SGCZ: variants seen among roughly 807,000 people sequenced by gnomAD.
The protein encoded by SGCZ is sarcoglycan zeta, also known as zeta-sarcoglycan.
In SGCZ, 40 loss-of-function variants were observed where a neutral mutation model predicts 41.3. That is an observed-to-expected ratio of 0.97 (90% CI 0.75 to 1.26). The LOEUF (loss-of-function observed/expected upper bound fraction) is 1.26. SGCZ is among the 50% of genes most tolerant of loss of function. The pLI, the probability that SGCZ is intolerant of heterozygous loss-of-function variation, is 0.00. For synonymous variants in SGCZ, 206 were observed against 137.5 expected (o/e 1.50, Z -3.49); for missense variants, 552 against 369.8 (o/e 1.49, Z -4.04).
At chr8:14,425,372 G>C (rs1799750854) in intron 2 of SGCZ, among the ~76,000 whole-genome samples, 1 of 152,126 alleles carries the variant, frequency 6.6e-6, no homozygotes, top group Non-Finnish European at 1.5e-5. Flanking sequence ...TGTAATCCTA[G>C]CACTTTGGGA....
chr8:14,245,258 T>C (rs529062208), intron 3 of SGCZ, among the ~76,000 whole-genome samples: 1 of 152,104 alleles, frequency 6.6e-6, no homozygotes, highest in Non-Finnish European at 1.5e-5. Flanking sequence ...TATAGATCAA[T>C]GGAACAGAAC....
intron 2 of SGCZ, among the ~76,000 whole-genome samples, chr8:14,375,727 A>G (rs1428952097): frequency 6.6e-6 from 1 of 152,204 alleles, no homozygotes; most frequent in African/African-American, 2.4e-5. Flanking sequence ...GCACTGAGCA[A>G]AATAAAGTTT....
intron 2 of SGCZ, among the ~76,000 whole-genome samples, chr8:14,377,966 T>G (rs1804198799): frequency 2.0e-5 from 3 of 150,206 alleles, no homozygotes; most frequent in Non-Finnish European, 2.9e-5. Flanking sequence ...TCTTTGCTAT[T>G]GTGAATAGTG....
intron 2 of SGCZ, among the ~76,000 whole-genome samples, chr8:14,470,906 T>C (rs1801196321): frequency 6.6e-6 from 1 of 152,114 alleles, no homozygotes; most frequent in Admixed American, 6.6e-5. Flanking sequence ...GTGTTAACAA[T>C]TTTACTTGCT....
chr8:14,944,268 A>G (rs1228785439), intron 1 of SGCZ, among the ~76,000 whole-genome samples: 2 of 152,174 alleles, frequency 1.3e-5, no homozygotes, highest in Non-Finnish European at 2.9e-5. Flanking sequence ...TTTAAAACCC[A>G]GTTGTCAACG....
chr8:14,159,635 T>C (rs1375183055), intron 5 of SGCZ, among the ~76,000 whole-genome samples: 1 of 152,116 alleles, frequency 6.6e-6, no homozygotes, highest in Non-Finnish European at 1.5e-5. Context: ...GCAGAGAAAA[T>C]GAAGTGATTG....
In SGCZ at chr8:14,093,482, C is replaced by T. The variant is rs147823079; in HGVS notation, c.745-2845G>A. The stretch of plus-strand genomic sequence containing the variant: ...ATTTCCTGTAATTCTTCCTCTTGCT[C>T]CAGTTCTTGCATTTTCTCAAAAATA... On this transcript the variant is annotated intron_variant, in intron 7 of 7. Transcript: ENST00000382080. 2.0e-5 allele frequency among the ~76,000 whole-genome samples: 3 copies of T among 152,210 alleles called. No individual in the cohort carries two copies. The East Asian group carries it at 5.8e-4, about 29-fold the overall frequency.
At chr8:15,072,081 T>G (rs1025911164) in intron 1 of SGCZ, among the ~76,000 whole-genome samples, 3 of 152,118 alleles carry the variant, frequency 2.0e-5, no homozygotes, top group Non-Finnish European at 2.9e-5. Context: ...TCAAAGTCTG[T>G]TCCTCCTTCC....
chr8:14,247,526 A>G (rs1799144793), intron 3 of SGCZ, among the ~76,000 whole-genome samples: 1 of 152,224 alleles, frequency 6.6e-6, no homozygotes, highest in South Asian at 2.1e-4. Context: ...TAGACTCATT[A>G]TCCTAAAAGG....
intron 2 of SGCZ, among the ~76,000 whole-genome samples, chr8:14,477,850 T>C (rs1801405732): frequency 6.6e-6 from 1 of 152,230 alleles, no homozygotes; most frequent in Non-Finnish European, 1.5e-5. Flanking sequence ...ACCAACTTAA[T>C]ATCACTCCTT....
chr8:14,189,697 T>G (rs1250683751), intron 4 of SGCZ, among the ~76,000 whole-genome samples: 1 of 152,228 alleles, frequency 6.6e-6, no homozygotes, highest in Non-Finnish European at 1.5e-5. Flanking sequence ...TGGCCTTACC[T>G]GACCATGATA....
At chr8:15,080,539 A>T (rs1805703282) in intron 1 of SGCZ, among the ~76,000 whole-genome samples, 1 of 152,078 alleles carries the variant, frequency 6.6e-6, no homozygotes, top group African/African-American at 2.4e-5. Context: ...GCCTTTAAAG[A>T]GGTAATTAAA....
chr8:14,828,795 A>G (rs1326257243), intron 1 of SGCZ, among the ~76,000 whole-genome samples: 2 of 152,170 alleles, frequency 1.3e-5, no homozygotes, highest in Non-Finnish European at 2.9e-5. Context: ...GCTTTAGCAG[A>G]AAAATGCCCA....
At chr8:15,014,787 G>C (rs1802962355) in intron 1 of SGCZ, among the ~76,000 whole-genome samples, 1 of 152,194 alleles carries the variant, frequency 6.6e-6, no homozygotes, top group Admixed American at 6.5e-5. Context: ...TGTGAGCATT[G>C]TGACAGCCTC....
chr8:14,576,445 T>C (rs1486602021), intron 1 of SGCZ, among the ~76,000 whole-genome samples: 1 of 152,170 alleles, frequency 6.6e-6, no homozygotes, highest in Admixed American at 6.5e-5. Flanking sequence ...TGAAGTAATA[T>C]GTAGTAGTGG....
chr8:15,165,360 G>C (rs187611332), intron 1 of SGCZ, among the ~76,000 whole-genome samples: 3 of 151,948 alleles, frequency 2.0e-5, no homozygotes, highest in African/African-American at 7.3e-5. Flanking sequence ...TTCAGTTCAC[G>C]TGACTTTAAC....
chr8:14,597,172 T>G (rs1049515795), intron 1 of SGCZ, among the ~76,000 whole-genome samples: 1 of 152,166 alleles, frequency 6.6e-6, no homozygotes, highest in Non-Finnish European at 1.5e-5. Context: ...AAAGCTGCAA[T>G]TGCCTTCTCC....
At chr8:14,925,774 G>C (rs1244754406) in intron 1 of SGCZ, among the ~76,000 whole-genome samples, 4 of 152,034 alleles carry the variant, frequency 2.6e-5, no homozygotes, top group Non-Finnish European at 4.4e-5. Context: ...GACAGGAAAA[G>C]GACAGACAAT....
intron 2 of SGCZ, among the ~76,000 whole-genome samples, chr8:14,436,634 C>G (rs565964279): frequency 2.6e-5 from 4 of 152,230 alleles, no homozygotes; most frequent in Non-Finnish European, 4.4e-5. Context: ...ACATTCTTCA[C>G]TGTTAGGATC....
Sources: gnomAD v4.1 joint callset for allele counts (sites outside exome capture counted in the v4.1 genomes callset) on GRCh38, gnomAD v4.1.1 for gene constraint, MANE v1.5 for transcripts, NCBI Gene and HGNC (gene_info 2026-07-23, HGNC 2026-07-21) for gene names.